Variants in NPAS2 observed in about 807,000 individuals in gnomAD.
NPAS2 encodes neuronal PAS domain protein 2, also known as neuronal PAS domain-containing protein 2.
NPAS2 carries 23 observed loss-of-function variants against 107.5 expected under a neutral mutation model. That is an observed-to-expected ratio of 0.21 (90% CI 0.15 to 0.30). The LOEUF (loss-of-function observed/expected upper bound fraction) is 0.30. Among genes scored for constraint, NPAS2 ranks in the 10% least tolerant of loss-of-function variants. The pLI, the probability that NPAS2 is intolerant of heterozygous loss-of-function variation, is 1.00. For synonymous variants in NPAS2, 403 were observed against 417.5 expected (o/e 0.97, Z 0.42); for missense variants, 756 against 1,043.3 (o/e 0.72, Z 3.79).
chr2:100,842,283 C>T (rs1677483629), intron 1 of NPAS2, among the ~76,000 whole-genome samples: 1 of 152,198 alleles, frequency 6.6e-6, no homozygotes, highest in Admixed American at 6.5e-5. Flanking sequence ...GGGGTGAGAA[C>T]CCAGGATCCT....
In NPAS2 at chr2:100,947,019, TG is replaced by T. The variant is rs201878779; in HGVS notation, c.364-1214del. Among the ~76,000 whole-genome samples, 751 of 152,254 alleles carry T rather than the reference TG, an allele frequency of 4.9e-3. 6 individuals are homozygous for T. Among genetic ancestry groups the T allele is most frequent in the African/African-American group, 0.017 (696 of 41,548 alleles). Reference sequence around the variant, plus strand: ...GATGTTCAGGACATGTATTCATCTGTGGTCCCCAGGGAGCATCTGAGTGGCA... The same window carrying T: ...GATGTTCAGGACATGTATTCATCTGTGTCCCCAGGGAGCATCTGAGTGGCA... On this transcript the variant is annotated intron_variant, in intron 5 of 20. Transcript: ENST00000335681.
At chr2:100,878,620 C>T (rs945219514) in intron 1 of NPAS2, 6 of 985,260 alleles carry the variant, frequency 6.1e-6, no homozygotes, top group Non-Finnish European at 7.2e-6. Flanking sequence ...CAGCTATCTG[C>T]TAACAGAATC....
intron 1 of NPAS2, among the ~76,000 whole-genome samples, chr2:100,883,592 A>T (rs1331744227): frequency 6.6e-6 from 1 of 152,006 alleles, no homozygotes; most frequent in African/African-American, 2.4e-5. Context: ...ACAGATGGAG[A>T]ATGCTCTGTC....
intron 1 of NPAS2, chr2:100,878,463 A>G (rs1680124022): frequency 1.0e-6 from 1 of 985,326 alleles, no homozygotes; most frequent in Non-Finnish European, 1.2e-6. Flanking sequence ...AAGCTGGAGA[A>G]TAGCTCCCTC....
At chr2:100,827,533 C>T (rs1465566664) in intron 1 of NPAS2, among the ~76,000 whole-genome samples, 1 of 152,066 alleles carries the variant, frequency 6.6e-6, no homozygotes, top group East Asian at 1.9e-4. Flanking sequence ...GTCCTTATCC[C>T]CTGGCTCCCT....
chr2:100,871,329 GTTT>G (rs5832938), intron 1 of NPAS2, among the ~76,000 whole-genome samples: 26 of 127,502 alleles, frequency 2.0e-4, no homozygotes, highest in Non-Finnish European at 2.2e-4. Context: ...CTTCTTCCTT[GTTT>G]TTTTTTTTTT....
intron 1 of NPAS2, among the ~76,000 whole-genome samples, chr2:100,899,661 G>C (rs568087546): frequency 1.3e-5 from 2 of 152,284 alleles, no homozygotes; most frequent in African/African-American, 4.8e-5. Flanking sequence ...ATCTAAAGTT[G>C]TTCTTAAAAA....
At chr2:100,828,397 G>A (rs1676521112) in intron 1 of NPAS2, among the ~76,000 whole-genome samples, 2 of 152,120 alleles carry the variant, frequency 1.3e-5, no homozygotes, top group South Asian at 4.1e-4. Flanking sequence ...CTGTGCAGAA[G>A]CTCTTTAGTT....
At position 100,822,157 on chromosome 2, in the gene NPAS2, G is replaced by T. The variant is rs928432060; in HGVS notation, c.-23+1743G>T. ...TTTATTCTCACTGCTTCCCAGAGGG[G>T]CTCCTGTGGAGGTGAAAGAAGGAAA... On this transcript the variant is annotated intron_variant, in intron 1 of 20. Transcript: ENST00000335681. Among the ~76,000 whole-genome samples, 12 of 152,178 alleles carry T rather than the reference G, an allele frequency of 7.9e-5. 1 individual carries two copies. The highest frequency in any genetic ancestry group is 7.2e-4 in the Admixed American group (11 of 15,284).
intron 1 of NPAS2, among the ~76,000 whole-genome samples, chr2:100,857,365 A>G (rs780861028): frequency 2.4e-4 from 37 of 152,084 alleles, no homozygotes; most frequent in Non-Finnish European, 4.1e-4. Context: ...TTTGTTGAAA[A>G]CATTTGCTGA....
chr2:100,995,881 C>G lies in NPAS2; in HGVS notation c.*299C>G. 6.8e-7 allele frequency: 1 copy of G among 1,473,282 alleles called. No individual in the cohort carries two copies. The highest frequency in any genetic ancestry group is 1.4e-5 in the African/African-American group (1 of 71,670). The allele number at this position is 1,473,282 out of a possible 1,614,324, so 91.3% of individuals were successfully genotyped here. A position where few individuals can be genotyped will look rare whatever the true frequency, so the allele number is the denominator to read the frequency against. On this transcript the variant is annotated 3_prime_UTR_variant, in exon 21 of 21. Coordinates refer to ENST00000335681, the MANE Select transcript of NPAS2 (RefSeq NM_002518.4). The stretch of plus-strand genomic sequence containing the variant: ...TCGGTCGGTTTGCCGTCAGAGATGG[C>G]GCATCTCGCTGCATCCCCCGAGAGT...
intron 3 of NPAS2, among the ~76,000 whole-genome samples, chr2:100,930,359 T>C (rs1683856374): frequency 6.6e-6 from 1 of 152,244 alleles, no homozygotes; most frequent in African/African-American, 2.4e-5. Flanking sequence ...AGGCTTTTAT[T>C]TGACCACATA....
At chr2:100,878,420 T>A in intron 1 of NPAS2, 1 of 985,378 alleles carries the variant, frequency 1.0e-6, no homozygotes. Context: ...CTTTCCAGCG[T>A]TGGACAAGGA....
chr2:100,976,234 G>A lies in NPAS2; in HGVS notation c.1392+667G>A, dbSNP rs1044539227. Among the ~76,000 whole-genome samples, 1 of 152,036 alleles carries A rather than the reference G, an allele frequency of 6.6e-6. No homozygotes were observed. The highest frequency in any genetic ancestry group is 2.4e-5 in the African/African-American group (1 of 41,390). On this transcript the variant is annotated intron_variant, in intron 14 of 20. Transcript: ENST00000335681. The surrounding 1 kb of genome is among the most constrained non-coding windows in gnomAD (Gnocchi z 4.1). ...CTATGGAATGCACCCACCAGATGGTGTCTGCACATGAATGTCCAGCAGCCG... is the reference window on the plus strand; with the variant it reads ...CTATGGAATGCACCCACCAGATGGTATCTGCACATGAATGTCCAGCAGCCG...
At chr2:100,971,192 A>G in intron 12 of NPAS2, 118 bp downstream of exon 12, 1 of 834,060 alleles carries the variant, frequency 1.2e-6, no homozygotes, top group Non-Finnish European at 1.9e-6. Flanking sequence ...CAAGCTATTC[A>G]GGAGGCTGAG....
intron 1 of NPAS2, chr2:100,821,004 A>T (rs1211285295): frequency 1.7e-6 from 2 of 1,204,640 alleles, no homozygotes; most frequent in Non-Finnish European, 1.1e-6. Flanking sequence ...CCCCCACCCC[A>T]ACTCCGGAGC....
chr2:100,975,304 C>T (rs1285562773), intron 13 of NPAS2, 154 bp from the exon 14 acceptor site: 11 of 709,402 alleles, frequency 1.6e-5, no homozygotes, highest in Non-Finnish European at 2.7e-5. Flanking sequence ...GGCTGGGCTT[C>T]TGTGGTTCAG....
chr2:100,878,898 C>T (rs2104618907), intron 1 of NPAS2, among the ~76,000 whole-genome samples: 1 of 152,200 alleles, frequency 6.6e-6, no homozygotes, highest in Non-Finnish European at 1.5e-5. Context: ...GCGGGTGGAT[C>T]ACTTGAGGTC....
At chr2:100,928,588 C>T (rs527571628) in intron 3 of NPAS2, among the ~76,000 whole-genome samples, 2 of 152,266 alleles carry the variant, frequency 1.3e-5, no homozygotes, top group South Asian at 2.1e-4. Flanking sequence ...AGGCCTACTC[C>T]GCACAACCTG....
Sources: gnomAD v4.1 joint callset for allele counts (sites outside exome capture counted in the v4.1 genomes callset) on GRCh38, gnomAD v4.1.1 for gene constraint, Gnocchi (gnomAD v3.1) non-coding constraint, MANE v1.5 for transcripts, NCBI Gene and HGNC (gene_info 2026-07-23, HGNC 2026-07-21) for gene names.